Variants in PACS2 observed in about 807,000 individuals in gnomAD.
PACS2 encodes the protein PACS1-like protein.
In PACS2, 36 loss-of-function variants were observed where a neutral mutation model predicts 113.0. That is an observed-to-expected ratio of 0.32 (90% CI 0.24 to 0.42). PACS2 has a LOEUF of 0.42. Ranked by LOEUF, PACS2 falls within the 10% of genes least tolerant of loss-of-function variation. The pLI is 1.00. For synonymous variants in PACS2, 589 were observed against 536.1 expected, an observed-to-expected ratio of 1.10 and a Z score of -1.36; for missense variants, 1,015 against 1,239.5, an observed-to-expected ratio of 0.82 and a Z score of 2.72.
chr14:105,347,392 G>T (rs2059981621), intron 1 of PACS2, among the ~76,000 whole-genome samples: 1 of 152,176 alleles, frequency 6.6e-6, no homozygotes, highest in Non-Finnish European at 1.5e-5. Flanking sequence ...ATGCCCAGGG[G>T]TGGAGACGGA....
intron 16 of PACS2, chr14:105,384,000 G>A (rs587667215): frequency 9.9e-5 from 32 of 323,644 alleles, no homozygotes; most frequent in Non-Finnish European, 1.7e-4. Flanking sequence ...TTAATCTGTT[G>A]ACCAGCAGCA....
chr14:105,300,845 G>A (rs1318574643), exon 1 of PACS2: 3 of 180,370 alleles, frequency 1.7e-5, no homozygotes, highest in Non-Finnish European at 3.4e-5. Flanking sequence ...CAGGCACCGG[G>A]ACCACGGCGG....
chr14:105,344,751 C>G (rs767052352), intron 1 of PACS2, among the ~76,000 whole-genome samples: 1 of 152,030 alleles, frequency 6.6e-6, no homozygotes, highest in Non-Finnish European at 1.5e-5. Context: ...TTAGTTGTTC[C>G]TCTTTATCAT....
In PACS2 at chr14:105,355,019, A is replaced by G. The variant is rs782452889; in HGVS notation, c.298-33A>G. 1.9e-6 allele frequency: 3 copies of G among 1,606,212 alleles called. No individual in the cohort carries two copies. The highest frequency in any genetic ancestry group is 2.5e-6 in the Non-Finnish European group (3 of 1,176,790). ...GTGATGCTGCCTGGGGCCCCGGTGCACCCTCAGCTGCCACTCGCACTTGTG... is the reference window on the plus strand; with the variant it reads ...GTGATGCTGCCTGGGGCCCCGGTGCGCCCTCAGCTGCCACTCGCACTTGTG... On this transcript the variant is annotated intron_variant, in intron 3 of 24. Coordinates refer to ENST00000447393, the MANE Select transcript of PACS2 (RefSeq NM_001100913.3). The surrounding 1 kb of genome is among the most constrained non-coding windows in gnomAD (Gnocchi z 4.1).
In PACS2 at chr14:105,367,379, AGT is replaced by A; in HGVS notation, c.586+8_586+9del. The A allele has an allele frequency of 6.2e-7, 1 of 1,612,366 alleles. No homozygotes were observed. The highest frequency in any genetic ancestry group is 8.5e-7 in the Non-Finnish European group (1 of 1,179,374). ...GGCCCCAAGGCCAAGTCCACGGGTG[AGT>A]GTGGTGCCAGCCCGCTCCTGCCCCT... On this transcript the variant is annotated splice_donor_5th_base_variant and intron_variant, in intron 5 of 24. Transcript: ENST00000447393.
chr14:105,380,544 G>C (rs2080952097), intron 11 of PACS2, among the ~76,000 whole-genome samples: 1 of 150,572 alleles, frequency 6.6e-6, no homozygotes, highest in African/African-American at 2.4e-5. Context: ...CCACCCTCAG[G>C]GTCTGGGTTC....
chr14:105,324,422 C>T lies in PACS2; in HGVS notation c.119+9385C>T, dbSNP rs1028218505. ...TGTGGCGTGCTTATTCCTGCCTGGC[C>T]GTGGAGGGTCTCTGTAGGACAGGCT... On this transcript the variant is annotated intron_variant, in intron 1 of 24. Coordinates refer to ENST00000447393, the MANE Select transcript of PACS2 (RefSeq NM_001100913.3). The surrounding 1 kb of genome is among the most constrained non-coding windows in gnomAD (Gnocchi z 4.7). 5.3e-5 allele frequency among the ~76,000 whole-genome samples: 8 copies of T among 152,106 alleles called. No individual in the cohort carries two copies. The highest frequency in any genetic ancestry group is 2.1e-4 in the South Asian group (1 of 4,826).
At chr14:105,346,029 G>C (rs1311075133) in intron 1 of PACS2, among the ~76,000 whole-genome samples, 1 of 152,182 alleles carries the variant, frequency 6.6e-6, no homozygotes. Flanking sequence ...GGTGGCCTCA[G>C]AGTGCACCTT....
In PACS2 at chr14:105,367,323, C is replaced by T; in HGVS notation, c.534C>T (p.Pro178=). 6.2e-7 allele frequency: 1 copy of T among 1,613,452 alleles called. No homozygotes were observed. Among genetic ancestry groups the T allele is most frequent in the South Asian group, 1.1e-5 (1 of 91,088 alleles). The stretch of plus-strand genomic sequence containing the variant: ...GGATCGCCTCCCTGTCCAGCCAGCC[C>T]ATTGACCACGAAGACAGCACCATGC... ...EIWIASLSSQ[P]IDHEDSTMQA... Residue 178 remains proline (P), a synonymous_variant, in exon 5 of 25, where the codon CCC becomes CCT. Coordinates refer to ENST00000447393, the MANE Select transcript of PACS2 (RefSeq NM_001100913.3).
chr14:105,351,255 G>T (rs1342455118), intron 2 of PACS2, among the ~76,000 whole-genome samples: 2 of 152,236 alleles, frequency 1.3e-5, no homozygotes, highest in African/African-American at 4.8e-5. Flanking sequence ...ACTGCGATAA[G>T]CACGTTCAAT....
intron 1 of PACS2, among the ~76,000 whole-genome samples, chr14:105,328,051 C>T (rs1361103399): frequency 6.6e-6 from 1 of 152,266 alleles, no homozygotes; most frequent in East Asian, 1.9e-4. Context: ...CCCCAGGATT[C>T]GTCAACCTTC....
At position 105,366,848 on chromosome 14, in the gene PACS2, C is replaced by T. The variant is rs1555408030; in HGVS notation, c.424-365C>T. On this transcript the variant is annotated intron_variant, in intron 4 of 24. Coordinates refer to ENST00000447393, the MANE Select transcript of PACS2 (RefSeq NM_001100913.3). This position sits in a 1 kb window ranked among gnomAD's most constrained non-coding sequence, Gnocchi z 4.3. ...TGGGTGGCACTGCATGGACAGCAGT[C>T]GTGCCTGAGATCAGGAGGGCCGCGG... 3.9e-5 allele frequency among the ~76,000 whole-genome samples: 6 copies of T among 152,176 alleles called. No homozygotes were observed. The highest frequency in any genetic ancestry group is 4.4e-5 in the Non-Finnish European group (3 of 68,028).
intron 12 of PACS2, among the ~76,000 whole-genome samples, 157 bp from the exon 13 acceptor site, chr14:105,381,757 C>G (rs1227806305): frequency 6.6e-6 from 1 of 152,348 alleles, no homozygotes; most frequent in South Asian, 2.1e-4. Context: ...GGTGACCTCT[C>G]TGTGCAGCCC....
chr14:105,382,593 G>A lies in PACS2; in HGVS notation c.1518+12G>A. The A allele has an allele frequency of 6.7e-7, 1 of 1,493,552 alleles. No homozygotes were observed. The highest frequency in any genetic ancestry group is 1.1e-5 in the South Asian group (1 of 88,686). 92.5% of individuals were successfully genotyped at this position (1,493,552 alleles called of 1,614,324 possible). ...ACTGGCAGGGGCAGGTAGAGGGGCA[G>A]TCTCTTGGAGTGGAGGGTCAGGGTG... On this transcript the variant is annotated intron_variant, in intron 14 of 24. Transcript: ENST00000447393.
intron 1 of PACS2, among the ~76,000 whole-genome samples, chr14:105,305,993 A>C (rs370896869): frequency 6.6e-4 from 101 of 152,282 alleles, no homozygotes; most frequent in African/African-American, 2.4e-3. Context: ...CCTAGACCTG[A>C]CTCCAGCACA....
At chr14:105,306,615 G>T (rs587721339) in intron 1 of PACS2, among the ~76,000 whole-genome samples, 43 of 149,394 alleles carry the variant, frequency 2.9e-4, no homozygotes, top group South Asian at 4.3e-4. Flanking sequence ...TTTTTTGGGG[G>T]TTTTTTTTGA....
chr14:105,386,568 G>T (rs2081182967), intron 19 of PACS2, among the ~76,000 whole-genome samples: 1 of 152,184 alleles, frequency 6.6e-6, no homozygotes. Flanking sequence ...TCCTGCTGCA[G>T]GGTGGGGGCC....
intron 1 of PACS2, among the ~76,000 whole-genome samples, chr14:105,334,060 G>T (rs1019757729): frequency 6.6e-6 from 1 of 152,246 alleles, no homozygotes; most frequent in Non-Finnish European, 1.5e-5. Context: ...TGGGGTGTCG[G>T]GGGCCTGGGC....
At chr14:105,351,224 G>C (rs2060165533) in intron 2 of PACS2, among the ~76,000 whole-genome samples, 1 of 152,254 alleles carries the variant, frequency 6.6e-6, no homozygotes, top group Non-Finnish European at 1.5e-5. Flanking sequence ...TCCTTGTTGG[G>C]ATGGTCCCAT....
Sources: allele counts gnomAD v4.1 joint callset (sites outside exome capture counted in the v4.1 genomes callset), GRCh38; gene constraint gnomAD v4.1.1; non-coding constraint Gnocchi (gnomAD v3.1); transcripts MANE v1.5; gene names NCBI Gene and HGNC (gene_info 2026-07-23, HGNC 2026-07-21).